The following PBX3 variants were observed in gnomAD, a reference collection of about 807,000 sequenced individuals.
PBX3 encodes the protein PBX homeobox 3, also known as pre-B-cell leukemia transcription factor 3.
A neutral mutation model predicts 48.5 loss-of-function variants in PBX3; 14 were observed. That is an observed-to-expected ratio of 0.29 (90% CI 0.19 to 0.45). The LOEUF is 0.45. Ranked by LOEUF, PBX3 falls within the 20% of genes least tolerant of loss-of-function variation. The pLI is 1.00. For missense variants in PBX3, 386 were observed against 546.7 expected, an observed-to-expected ratio of 0.71 and a Z score of 2.93; for synonymous variants, 210 against 200.3, an observed-to-expected ratio of 1.05 and a Z score of -0.41.
chr9:125,960,562 G>A, intron 5 of PBX3, 122 bp from the exon 6 acceptor site: 1 of 781,714 alleles, frequency 1.3e-6, no homozygotes, highest in South Asian at 1.7e-5. Flanking sequence ...CATAGGATGT[G>A]AGGTTGCAGG....
chr9:125,824,282 C>T (rs1457889682), intron 2 of PBX3, among the ~76,000 whole-genome samples: 1 of 152,096 alleles, frequency 6.6e-6, no homozygotes, highest in Non-Finnish European at 1.5e-5. Flanking sequence ...TGAAAAATGA[C>T]TGGTCCGTTT....
At chr9:125,938,804 G>T (rs959099602) in intron 5 of PBX3, among the ~76,000 whole-genome samples, 1 of 152,138 alleles carries the variant, frequency 6.6e-6, no homozygotes, top group Non-Finnish European at 1.5e-5. Context: ...TACCATAAAA[G>T]ATATTATTGG....
chr9:125,894,834 G>A (rs946107018), intron 2 of PBX3, among the ~76,000 whole-genome samples: 12 of 152,052 alleles, frequency 7.9e-5, no homozygotes, highest in Admixed American at 2.6e-4. Context: ...CTATAGCTTC[G>A]TGAGGCTATT....
chr9:125,781,846 T>C (rs563653958), intron 2 of PBX3, among the ~76,000 whole-genome samples: 2 of 152,320 alleles, frequency 1.3e-5, no homozygotes, highest in South Asian at 4.1e-4. Context: ...ATAAATTTAC[T>C]TCTGAGCATT....
At position 125,845,823 on chromosome 9, in the gene PBX3, A is replaced by G. The variant is rs112169340; in HGVS notation, c.275-69863A>G. 3.5e-3 allele frequency among the ~76,000 whole-genome samples: 532 copies of G among 152,246 alleles called. 3 individuals carry two copies. Among genetic ancestry groups the G allele is most frequent in the African/African-American group, 0.012 (513 of 41,558 alleles). Reference sequence around the variant, plus strand: ...ATATGCTACTAAAGAAAATCTGAGTAGTAATCTGACTGTAATTTATCTTAA... The same window carrying G: ...ATATGCTACTAAAGAAAATCTGAGTGGTAATCTGACTGTAATTTATCTTAA... On this transcript the variant is annotated intron_variant, in intron 2 of 8. Transcript: ENST00000373489.
chr9:125,756,724 G>A (rs1836528456), intron 2 of PBX3, among the ~76,000 whole-genome samples: 1 of 152,164 alleles, frequency 6.6e-6, no homozygotes, highest in Non-Finnish European at 1.5e-5. Flanking sequence ...GCCTGTTAAT[G>A]GTAATGTGAG....
At chr9:125,947,412 A>C (rs1842089609) in intron 5 of PBX3, among the ~76,000 whole-genome samples, 1 of 152,172 alleles carries the variant, frequency 6.6e-6, no homozygotes, top group South Asian at 2.1e-4. Context: ...TTTCCGGGAA[A>C]GATGGCAAAA....
intron 2 of PBX3, among the ~76,000 whole-genome samples, chr9:125,830,575 A>G (rs1225268854): frequency 2.6e-5 from 4 of 152,152 alleles, no homozygotes; most frequent in Non-Finnish European, 5.9e-5. Flanking sequence ...ATAAAGAACT[A>G]TACAGAAGCC....
chr9:125,956,647 T>C (rs1842315603), intron 5 of PBX3, among the ~76,000 whole-genome samples: 1 of 152,200 alleles, frequency 6.6e-6, no homozygotes, highest in Non-Finnish European at 1.5e-5. Flanking sequence ...TGAACATCAG[T>C]AGAAGAGGGA....
chr9:125,804,880 G>A (rs1838072499), intron 2 of PBX3, among the ~76,000 whole-genome samples: 1 of 78,824 alleles, frequency 1.3e-5, no homozygotes, highest in Admixed American at 1.5e-4. Context: ...CTGGGAGACG[G>A]AGGTTGCTGT....
chr9:125,938,030 T>A (rs1841876953), intron 5 of PBX3, among the ~76,000 whole-genome samples: 1 of 152,172 alleles, frequency 6.6e-6, no homozygotes, highest in African/African-American at 2.4e-5. Context: ...AAATTTAGAA[T>A]CTAGAAATTG....
At chr9:125,864,912 A>G (rs991832332) in intron 2 of PBX3, among the ~76,000 whole-genome samples, 3 of 152,242 alleles carry the variant, frequency 2.0e-5, no homozygotes, top group Admixed American at 1.3e-4. Flanking sequence ...TGGTATAAAC[A>G]TCTTGTTTAG....
At chr9:125,901,355 T>C (rs781669966) in intron 2 of PBX3, among the ~76,000 whole-genome samples, 13 of 151,740 alleles carry the variant, frequency 8.6e-5, no homozygotes, top group Non-Finnish European at 1.5e-5. Flanking sequence ...TGAATGAGTA[T>C]AGGTATTTTT....
intron 2 of PBX3, among the ~76,000 whole-genome samples, chr9:125,893,640 A>G (rs1840702923): frequency 6.6e-6 from 1 of 152,204 alleles, no homozygotes; most frequent in East Asian, 1.9e-4. Flanking sequence ...ATGCATGTGC[A>G]TTGGTGGCTT....
At chr9:125,772,040 G>A (rs2132003849) in intron 2 of PBX3, among the ~76,000 whole-genome samples, 1 of 152,298 alleles carries the variant, frequency 6.6e-6, no homozygotes, top group East Asian at 1.9e-4. Context: ...TATATGAAAA[G>A]TAGAATATTA....
In PBX3 at chr9:125,874,039, A is replaced by G. The variant is rs576540325; in HGVS notation, c.275-41647A>G. Among the ~76,000 whole-genome samples, 10 of 152,324 alleles carry G rather than the reference A, an allele frequency of 6.6e-5. No homozygotes were observed. In the East Asian group the frequency reaches 1.9e-3, roughly 29 times the overall value. On this transcript the variant is annotated intron_variant, in intron 2 of 8. Coordinates refer to ENST00000373489, the MANE Select transcript of PBX3 (RefSeq NM_006195.6). Reference sequence around the variant, plus strand: ...ATCTGAAAGAAGATAAAGCATGTACAGCAGAAATTAAAAAGAAGGAATATC... The same window carrying G: ...ATCTGAAAGAAGATAAAGCATGTACGGCAGAAATTAAAAAGAAGGAATATC...
At chr9:125,924,759 A>G (rs1266653282) in intron 3 of PBX3, among the ~76,000 whole-genome samples, 9 of 152,226 alleles carry the variant, frequency 5.9e-5, no homozygotes, top group Admixed American at 5.9e-4. Context: ...GAAACTGTTA[A>G]GCTTACAATG....
intron 8 of PBX3, among the ~76,000 whole-genome samples, chr9:125,964,361 G>A (rs1842488956): frequency 6.6e-6 from 1 of 152,184 alleles, no homozygotes; most frequent in African/African-American, 2.4e-5. Context: ...ATCTGTGTGA[G>A]AGTTTTTCTT....
chr9:125,863,193 T>TG (rs1024848846), intron 2 of PBX3, among the ~76,000 whole-genome samples: 1 of 151,372 alleles, frequency 6.6e-6, no homozygotes, highest in Non-Finnish European at 1.5e-5. Flanking sequence ...CCACTGTGCC[T>TG]GGCTGACACA....
Sources: allele counts gnomAD v4.1 joint callset (sites outside exome capture counted in the v4.1 genomes callset), GRCh38; gene constraint gnomAD v4.1.1; transcripts MANE v1.5; gene names NCBI Gene and HGNC (gene_info 2026-07-23, HGNC 2026-07-21).